The following PGM3 variants were observed in gnomAD, a reference collection of about 807,000 sequenced individuals.
PGM3 encodes the protein phosphoglucomutase 3.
PGM3 carries 40 observed loss-of-function variants against 66.2 expected under a neutral mutation model. The ratio of observed to expected loss-of-function variants is 0.60; its 90% CI spans 0.47 to 0.79. The LOEUF is 0.79. Among genes scored for constraint, PGM3 ranks in the 30% least tolerant of loss-of-function variants. PGM3 has a pLI of 0.00. For synonymous variants in PGM3, 191 were observed against 224.2 expected, an observed-to-expected ratio of 0.85 and a Z score of 1.32; for missense variants, 537 against 643.4, an observed-to-expected ratio of 0.83 and a Z score of 1.79.
At chr6:83,164,139 A>C (rs1784877713), downstream of PGM3, among the ~76,000 whole-genome samples, 1 of 148,574 alleles carries the variant, frequency 6.7e-6, no homozygotes, top group Non-Finnish European at 1.5e-5. Context: ...GAAATTTTCC[A>C]GTCTTCTGGA....
chr6:83,190,779 T>C (rs759452340), intron 2 of PGM3, 30 bp downstream of exon 2: 24 of 1,524,366 alleles, frequency 1.6e-5, no homozygotes, highest in Middle Eastern at 1.7e-4. Context: ...TAAATAATGG[T>C]CTGCTTTATC....
chr6:83,164,903 ATT>A lies in PGM3; in HGVS notation c.*4329_*4330del, dbSNP rs563721013. 20 of 571,548 alleles carry A rather than the reference ATT, an allele frequency of 3.5e-5. No homozygotes were observed. The highest frequency in any genetic ancestry group is 3.0e-4 in the African/African-American group (16 of 52,486). The allele number at this position is 571,548 out of a possible 1,614,324, so 35.4% of individuals were successfully genotyped here. ...ATGGAAACATTTGACTTTATTTAAT[ATT>A]GAGACAATACATATAGTTCTGATTA... On this transcript the variant is annotated 3_prime_UTR_variant, in exon 13 of 13. Coordinates refer to ENST00000513973, the MANE Select transcript of PGM3 (RefSeq NM_015599.3).
At chr6:83,159,805 G>T (rs998288958), downstream of PGM3, 1 of 1,614,132 alleles carries the variant, frequency 6.2e-7, no homozygotes, top group South Asian at 1.1e-5. Flanking sequence ...GGACTTCAGG[G>T]CCCTCTGTGG....
chr6:83,178,785 C>G, intron 7 of PGM3, 29 bp from the exon 8 acceptor site: 3 of 1,228,648 alleles, frequency 2.4e-6, no homozygotes, highest in Non-Finnish European at 3.6e-6. Context: ...ACTTAACTTG[C>G]CATCAAAAGT....
intron 8 of PGM3, among the ~76,000 whole-genome samples, chr6:83,176,728 A>T (rs190893902): frequency 6.6e-6 from 1 of 152,338 alleles, no homozygotes; most frequent in Admixed American, 6.5e-5. Flanking sequence ...AAGAAAGATC[A>T]GCATTAGATT....
At chr6:83,152,361 C>G in the PGM3 span, 2 of 1,505,778 alleles carry the variant, frequency 1.3e-6, no homozygotes, top group Non-Finnish European at 1.8e-6. Flanking sequence ...TGACATTACT[C>G]TCTGAGGTAA....
At chr6:83,157,150 T>C, downstream of PGM3, 1 of 1,601,954 alleles carries the variant, frequency 6.2e-7, no homozygotes, top group Non-Finnish European at 8.5e-7. Context: ...AAAGATTATT[T>C]AGTTATTGAA....
chr6:83,149,889 A>C, the PGM3 span, among the ~76,000 whole-genome samples: 1 of 152,122 alleles, frequency 6.6e-6, no homozygotes, highest in African/African-American at 2.4e-5. Context: ...ACCTACAGAG[A>C]GGTTAAGGAA....
At chr6:83,160,788 A>T (rs1259393445), downstream of PGM3, among the ~76,000 whole-genome samples, 1 of 152,130 alleles carries the variant, frequency 6.6e-6, no homozygotes, top group Non-Finnish European at 1.5e-5. Flanking sequence ...ATTGTGTCTT[A>T]TTTTTCTTCT....
the PGM3 span, chr6:83,151,473 T>A: frequency 1.6e-6 from 1 of 642,760 alleles, no homozygotes; most frequent in Non-Finnish European, 2.6e-6. Flanking sequence ...GTATATATAT[T>A]AAATATTTAA....
chr6:83,150,549 C>G, the PGM3 span, among the ~76,000 whole-genome samples: 5 of 151,984 alleles, frequency 3.3e-5, no homozygotes, highest in African/African-American at 1.2e-4. Flanking sequence ...ACCTTTTTGC[C>G]AACCATTGTA....
chr6:83,159,668 C>T (rs1583180878), downstream of PGM3: 2 of 1,020,720 alleles, frequency 2.0e-6, no homozygotes, highest in East Asian at 2.4e-5. Context: ...CATGACCTTG[C>T]TTAGCAATTA....
At chr6:83,151,514 C>T in the PGM3 span, 1 of 1,131,996 alleles carries the variant, frequency 8.8e-7, no homozygotes, top group South Asian at 1.6e-5. Flanking sequence ...AGCCGCTTAA[C>T]TCATCGTGAG....
At chr6:83,177,706 T>C (rs1787883917) in intron 8 of PGM3, among the ~76,000 whole-genome samples, 1 of 152,166 alleles carries the variant, frequency 6.6e-6, no homozygotes. Flanking sequence ...ATAGCCCGAT[T>C]TTAATAAGAG....
At chr6:83,188,541 G>T in intron 3 of PGM3, 73 bp downstream of exon 3, 1 of 1,222,876 alleles carries the variant, frequency 8.2e-7, no homozygotes, top group South Asian at 1.3e-5. Flanking sequence ...ATTTGTCTTG[G>T]ATTAAAACTG....
chr6:83,187,111 C>T, intron 3 of PGM3, 36 bp from the exon 4 acceptor site: 1 of 1,347,240 alleles, frequency 7.4e-7, no homozygotes. Flanking sequence ...TATATCCCAT[C>T]CTGAAACTGG....
At chr6:83,175,015 T>C (rs522659) in intron 9 of PGM3, among the ~76,000 whole-genome samples, 34,328 of 152,080 alleles carry the variant, frequency 0.23, 3,951 homozygotes, top group Non-Finnish European at 0.24. Flanking sequence ...GAGTCTTATC[T>C]CATTTGGAAA....
downstream of PGM3, among the ~76,000 whole-genome samples, chr6:83,159,477 G>C (rs1419483039): frequency 6.6e-6 from 1 of 151,318 alleles, no homozygotes; most frequent in African/African-American, 2.4e-5. Flanking sequence ...TTTTTGTAGA[G>C]ACAGGGTTTC....
Position 83,168,539 on chromosome 6 carries a change from T to A in PGM3, c.*695A>T, listed in dbSNP as rs1217874681. ...TTTCTCTTTTCCTTATTAACCATGT[T>A]CTGGTATCAGAATGGTGTTCCTTCT... On this transcript the variant is annotated 3_prime_UTR_variant, in exon 13 of 13. Transcript: ENST00000513973. The A allele has an allele frequency of 9.9e-7, 1 of 1,005,472 alleles. No individual in the cohort carries two copies. Among genetic ancestry groups the A allele is most frequent in the East Asian group, 1.0e-4 (1 of 9,674 alleles). 62.3% of individuals were successfully genotyped at this position (1,005,472 alleles called of 1,614,324 possible). A position where few individuals can be genotyped will look rare whatever the true frequency, so the allele number is the denominator to read the frequency against.
Sources: allele counts gnomAD v4.1 joint callset (sites outside exome capture counted in the v4.1 genomes callset), GRCh38; gene constraint gnomAD v4.1.1; transcripts MANE v1.5; gene names NCBI Gene and HGNC (gene_info 2026-07-23, HGNC 2026-07-21).